TRPM3: variants seen among roughly 807,000 people sequenced by gnomAD.
The protein encoded by TRPM3 is transient receptor potential cation channel subfamily M member 3.
A neutral mutation model predicts 181.2 loss-of-function variants in TRPM3; 77 were observed. That is an observed-to-expected ratio of 0.42 (90% CI 0.35 to 0.51). The LOEUF is 0.51. Ranked by LOEUF, TRPM3 falls within the 20% of genes least tolerant of loss-of-function variation. TRPM3 has a pLI of 0.01. For synonymous variants in TRPM3, 745 were observed against 796.4 expected, an observed-to-expected ratio of 0.94 and a Z score of 1.09; for missense variants, 1,759 against 2,196.7, an observed-to-expected ratio of 0.80 and a Z score of 3.98.
At chr9:71,003,808 A>C (rs2134265923) in intron 1 of TRPM3, among the ~76,000 whole-genome samples, 1 of 152,080 alleles carries the variant, frequency 6.6e-6, no homozygotes. Context: ...TAAGAATACC[A>C]CACTGAATTC....
intron 1 of TRPM3, among the ~76,000 whole-genome samples, chr9:71,353,298 A>G (rs572718137): frequency 6.4e-4 from 97 of 152,294 alleles, no homozygotes; most frequent in African/African-American, 2.2e-3. Flanking sequence ...CTGTGGAGGC[A>G]GGAACTGGAC....
chr9:71,420,082 C>T (rs1023325253), intron 1 of TRPM3, among the ~76,000 whole-genome samples: 6 of 151,922 alleles, frequency 3.9e-5, no homozygotes, highest in Admixed American at 2.0e-4. Flanking sequence ...TAATATCTTT[C>T]GTCATTTTCC....
At chr9:71,281,128 C>T (rs1029771435) in intron 1 of TRPM3, among the ~76,000 whole-genome samples, 1 of 152,180 alleles carries the variant, frequency 6.6e-6, no homozygotes, top group African/African-American at 2.4e-5. Flanking sequence ...GGAAGAGGCA[C>T]TCTCACAGAC....
chr9:71,209,693 C>G (rs980062032), intron 1 of TRPM3, among the ~76,000 whole-genome samples: 1 of 152,258 alleles, frequency 6.6e-6, no homozygotes, highest in South Asian at 2.1e-4. Flanking sequence ...CTCTTTTTGT[C>G]TGGTCCATGA....
In TRPM3 at chr9:71,193,681, T is replaced by C. The variant is rs866079248; in HGVS notation, c.183+252972A>G. Among the ~76,000 whole-genome samples, 6 of 152,118 alleles carry C rather than the reference T, an allele frequency of 3.9e-5. No homozygotes were observed. The South Asian group carries it at 1.2e-3, about 32-fold the overall frequency. ...AAAACAAAACACAAAATTGTCCTTTTTGTTCTCCAAACTTAACTTTTCTAT... is the reference window on the plus strand; with the variant it reads ...AAAACAAAACACAAAATTGTCCTTTCTGTTCTCCAAACTTAACTTTTCTAT... On this transcript the variant is annotated intron_variant, in intron 1 of 24. Coordinates refer to the TRPM3 transcript ENST00000357533.
intron 1 of TRPM3, among the ~76,000 whole-genome samples, chr9:71,294,209 G>C (rs2132284771): frequency 6.6e-6 from 1 of 152,012 alleles, no homozygotes; most frequent in African/African-American, 2.4e-5. Flanking sequence ...TCCAAAAACA[G>C]AGAAAATATT....
intron 1 of TRPM3, among the ~76,000 whole-genome samples, chr9:71,436,395 T>C (rs1367337783): frequency 6.9e-6 from 1 of 145,762 alleles, no homozygotes; most frequent in Non-Finnish European, 1.5e-5. Context: ...CTCTGCCTCC[T>C]GGGTTCGAGC....
chr9:70,938,000 T>G (rs560086002), intron 1 of TRPM3, among the ~76,000 whole-genome samples: 78 of 152,330 alleles, frequency 5.1e-4, no homozygotes, highest in African/African-American at 1.8e-3. Context: ...CCTATTACAG[T>G]TCCTCAGTAT....
chr9:71,252,851 T>C (rs1012306616), intron 1 of TRPM3, among the ~76,000 whole-genome samples: 63 of 144,380 alleles, frequency 4.4e-4, no homozygotes, highest in African/African-American at 1.6e-3. Flanking sequence ...TTGTCTCTTT[T>C]TTTTTTTTTT....
intron 1 of TRPM3, among the ~76,000 whole-genome samples, chr9:71,412,848 CA>C (rs2093578204): frequency 6.6e-6 from 1 of 152,120 alleles, no homozygotes; most frequent in South Asian, 2.1e-4. Flanking sequence ...GGAACCAACC[CA>C]AATGTCCATC....
chr9:71,130,518 T>C (rs536013447), intron 1 of TRPM3, among the ~76,000 whole-genome samples: 2 of 152,286 alleles, frequency 1.3e-5, no homozygotes, highest in East Asian at 3.9e-4. Flanking sequence ...ATATAAAATG[T>C]TCAGAGTATT....
At chr9:70,543,184 A>AT (rs1485376938) in intron 25 of TRPM3, among the ~76,000 whole-genome samples, 1 of 151,920 alleles carries the variant, frequency 6.6e-6, no homozygotes, top group East Asian at 1.9e-4. Context: ...TGAACATACT[A>AT]TTTTTTCTGA....
At position 71,199,196 on chromosome 9, in the gene TRPM3, G is replaced by A. The variant is rs1056217093; in HGVS notation, c.183+247457C>T. On this transcript the variant is annotated intron_variant, in intron 1 of 24. Coordinates refer to the TRPM3 transcript ENST00000357533. ...ACATTTATTGATTTGCGTATATTGA[G>A]CCAGCCTTGCATCACAGGGATGAAG... Among the ~76,000 whole-genome samples the A allele has an allele frequency of 1.1e-3, 165 of 151,220 alleles. 2 individuals carry two copies. The highest frequency in any genetic ancestry group is 3.4e-3 in the African/African-American group (142 of 41,302).
chr9:70,651,792 A>C (rs1210837623), intron 9 of TRPM3, among the ~76,000 whole-genome samples: 1 of 151,998 alleles, frequency 6.6e-6, no homozygotes, highest in Non-Finnish European at 1.5e-5. Flanking sequence ...TATTTCTTGA[A>C]GCTTTCTAGG....
chr9:70,762,794 G>A (rs1354333434), intron 7 of TRPM3, among the ~76,000 whole-genome samples: 3 of 152,266 alleles, frequency 2.0e-5, no homozygotes, highest in African/African-American at 7.2e-5. Flanking sequence ...ACAAATAAGT[G>A]ACAGAGTTAT....
rs1045711105 is a variant in TRPM3, at chr9:71,095,871, C to T, written c.177+25307G>A. 1.2e-4 allele frequency among the ~76,000 whole-genome samples: 18 copies of T among 151,992 alleles called. No individual in the cohort carries two copies. The Middle Eastern group carries it at 0.01, about 86-fold the overall frequency. On this transcript the variant is annotated intron_variant, in intron 1 of 25. Transcript: ENST00000677713. ...CTTCTAATAGCTGTAAAGATTTATC[C>T]CTTCTTCACCCAGATAGCTACCAGA...
intron 25 of TRPM3, among the ~76,000 whole-genome samples, chr9:70,548,866 CTCTTT>C (rs1240773637): frequency 1.3e-5 from 2 of 151,472 alleles, no homozygotes; most frequent in Non-Finnish European, 3.0e-5. Flanking sequence ...CTCTCTCTCT[CTCTTT>C]TTAATACGCT....
At chr9:71,022,652 G>A (rs1046540756) in intron 1 of TRPM3, among the ~76,000 whole-genome samples, 1 of 152,016 alleles carries the variant, frequency 6.6e-6, no homozygotes, top group African/African-American at 2.4e-5. Flanking sequence ...GAGTCATGAT[G>A]TCACCATTGC....
chr9:71,142,769 C>T (rs2075187008), intron 1 of TRPM3, among the ~76,000 whole-genome samples: 1 of 124,278 alleles, frequency 8.0e-6, no homozygotes, highest in African/African-American at 3.4e-5. Context: ...TTTTCATGCA[C>T]TATCAGATTC....
Sources: allele counts gnomAD v4.1 joint callset (sites outside exome capture counted in the v4.1 genomes callset), GRCh38; gene constraint gnomAD v4.1.1; transcripts MANE v1.5; gene names NCBI Gene and HGNC (gene_info 2026-07-23, HGNC 2026-07-21).